TMEM178B: variants seen among roughly 807,000 people sequenced by gnomAD.
TMEM178B encodes the protein transmembrane protein 178B.
In TMEM178B, 5 loss-of-function variants were observed where a neutral mutation model predicts 31.0. The ratio of observed to expected loss-of-function variants is 0.16; its 90% CI spans 0.08 to 0.34. The LOEUF (loss-of-function observed/expected upper bound fraction) is 0.34. Among genes scored for constraint, TMEM178B ranks in the 10% least tolerant of loss-of-function variants. The pLI, the probability that TMEM178B is intolerant of heterozygous loss-of-function variation, is 1.00. For missense variants in TMEM178B, 275 were observed against 400.3 expected (o/e 0.69, Z 2.67); for synonymous variants, 164 against 164.0 (o/e 1.00, Z 0.00).
intron 2 of TMEM178B, among the ~76,000 whole-genome samples, chr7:141,245,104 A>G (rs528619900): frequency 7.4e-6 from 1 of 134,366 alleles, no homozygotes; most frequent in East Asian, 2.4e-4. Flanking sequence ...CGGAGGTTGC[A>G]GTGAGCCGAG....
chr7:141,449,819 C>T (rs1299398197), intron 3 of TMEM178B, among the ~76,000 whole-genome samples: 3 of 152,146 alleles, frequency 2.0e-5, no homozygotes, highest in Admixed American at 6.5e-5. Flanking sequence ...AGGAGGTGGG[C>T]GAAGCCTGGC....
chr7:141,351,098 G>T (rs1799713769), intron 2 of TMEM178B, among the ~76,000 whole-genome samples: 1 of 152,232 alleles, frequency 6.6e-6, no homozygotes, highest in African/African-American at 2.4e-5. Context: ...CTTTGGAACT[G>T]ATCTCCTCTG....
intron 2 of TMEM178B, among the ~76,000 whole-genome samples, chr7:141,425,833 G>A (rs547939525): frequency 6.6e-6 from 1 of 152,270 alleles, no homozygotes; most frequent in East Asian, 1.9e-4. Context: ...CTGATCCGGA[G>A]GTAGGACTGA....
downstream of TMEM178B, among the ~76,000 whole-genome samples, chr7:141,484,837 C>T (rs1043864896): frequency 4.6e-5 from 7 of 152,068 alleles, no homozygotes; most frequent in Non-Finnish European, 8.8e-5. The surrounding 1 kb of genome is among the most constrained non-coding windows in gnomAD (Gnocchi z 4.8). Flanking sequence ...GCTGGGATTA[C>T]AGACGTGAGC....
chr7:141,393,922 C>T (rs190016101), intron 2 of TMEM178B, among the ~76,000 whole-genome samples: 3 of 152,218 alleles, frequency 2.0e-5, no homozygotes, highest in South Asian at 4.1e-4. Flanking sequence ...TTCTTTTCTT[C>T]TTTAGACAAA....
chr7:141,490,009 G>A, the TMEM178B span, among the ~76,000 whole-genome samples: 1 of 152,172 alleles, frequency 6.6e-6, no homozygotes, highest in East Asian at 1.9e-4. Context: ...ACATGGATGC[G>A]ATTGTCTGGT....
chr7:141,209,542 G>A (rs557616729), intron 1 of TMEM178B, among the ~76,000 whole-genome samples: 23 of 152,308 alleles, frequency 1.5e-4, no homozygotes, highest in Middle Eastern at 3.4e-3. Context: ...CATGTTATTG[G>A]TGCTTACCTT....
At chr7:141,211,461 T>A (rs951915964) in intron 1 of TMEM178B, among the ~76,000 whole-genome samples, 1 of 152,360 alleles carries the variant, frequency 6.6e-6, no homozygotes, top group Admixed American at 6.5e-5. Context: ...TTCAATCATG[T>A]GCACCACTTA....
At chr7:141,089,135 T>C (rs1794836250) in intron 1 of TMEM178B, among the ~76,000 whole-genome samples, 1 of 152,184 alleles carries the variant, frequency 6.6e-6, no homozygotes, top group African/African-American at 2.4e-5. Flanking sequence ...AGCAAATAAA[T>C]ACGACAAAAT....
At chr7:141,337,842 ATT>A (rs536035652) in intron 2 of TMEM178B, among the ~76,000 whole-genome samples, 2 of 146,866 alleles carry the variant, frequency 1.4e-5, no homozygotes, top group African/African-American at 2.5e-5. Context: ...AAATGGTTTG[ATT>A]TTTTTTTTTT....
intron 1 of TMEM178B, among the ~76,000 whole-genome samples, chr7:141,097,938 T>C (rs1235417321): frequency 6.6e-6 from 1 of 151,756 alleles, no homozygotes; most frequent in Non-Finnish European, 1.5e-5. Flanking sequence ...ACTACAGGTG[T>C]GTGCCACCAT....
At chr7:141,253,250 T>G (rs909188742) in intron 2 of TMEM178B, among the ~76,000 whole-genome samples, 2 of 152,190 alleles carry the variant, frequency 1.3e-5, no homozygotes, top group Non-Finnish European at 2.9e-5. Context: ...CCTTTAATTC[T>G]GAACACAGCT....
chr7:141,108,272 C>T (rs1406958635), intron 1 of TMEM178B, among the ~76,000 whole-genome samples: 1 of 152,110 alleles, frequency 6.6e-6, no homozygotes, highest in South Asian at 2.1e-4. Context: ...AAAATAACAG[C>T]ATATTTGAAT....
intron 2 of TMEM178B, among the ~76,000 whole-genome samples, chr7:141,398,472 T>G (rs1229678797): frequency 1.3e-5 from 2 of 152,116 alleles, no homozygotes; most frequent in Non-Finnish European, 2.9e-5. Flanking sequence ...GAAGCTGCAG[T>G]GAACAGCACA....
intron 2 of TMEM178B, among the ~76,000 whole-genome samples, chr7:141,372,972 A>G (rs2116572694): frequency 6.6e-6 from 1 of 152,300 alleles, no homozygotes; most frequent in African/African-American, 2.4e-5. Context: ...TGGCTTAGTG[A>G]TTAAGAGTAT....
chr7:141,180,463 CAAAAAA>C (rs57969132), intron 1 of TMEM178B, among the ~76,000 whole-genome samples: 1 of 83,300 alleles, frequency 1.2e-5, no homozygotes, highest in Non-Finnish European at 2.3e-5. Flanking sequence ...GAGCCCATCT[CAAAAAA>C]AAAAAAAAAA....
At chr7:141,259,936 C>T (rs1797986282) in intron 2 of TMEM178B, among the ~76,000 whole-genome samples, 2 of 152,146 alleles carry the variant, frequency 1.3e-5, no homozygotes, top group Non-Finnish European at 2.9e-5. Flanking sequence ...CTCACATTCA[C>T]CCAGGGGTGT....
intron 2 of TMEM178B, among the ~76,000 whole-genome samples, chr7:141,424,386 C>T (rs1313204955): frequency 6.6e-6 from 1 of 152,196 alleles, no homozygotes; most frequent in Non-Finnish European, 1.5e-5. Flanking sequence ...AGTACATGCG[C>T]ACTGTTGGCC....
intron 2 of TMEM178B, among the ~76,000 whole-genome samples, chr7:141,303,954 T>C (rs549608946): frequency 6.6e-6 from 1 of 152,274 alleles, no homozygotes; most frequent in Non-Finnish European, 1.5e-5. Flanking sequence ...ATGAAAGAAA[T>C]GAGAGGTTCA....
Sources: gnomAD v4.1 joint callset for allele counts (sites outside exome capture counted in the v4.1 genomes callset) on GRCh38, gnomAD v4.1.1 for gene constraint, Gnocchi (gnomAD v3.1) non-coding constraint, MANE v1.5 for transcripts, NCBI Gene and HGNC (gene_info 2026-07-23, HGNC 2026-07-21) for gene names.